Variants in COL19A1 observed in about 807,000 individuals in gnomAD.
COL19A1 encodes the protein collagen alpha-1(XIX) chain.
In COL19A1, 159 loss-of-function variants were observed where a neutral mutation model predicts 190.2. That is an observed-to-expected ratio of 0.84 (90% CI 0.73 to 0.95). The LOEUF (loss-of-function observed/expected upper bound fraction) is 0.95, where lower values mean the gene tolerates loss of function less well. COL19A1 is among the 40% of genes least tolerant of loss of function. The pLI is 0.00. For missense variants in COL19A1, 1,418 were observed against 1,431.9 expected (o/e 0.99, Z 0.16); for synonymous variants, 509 against 458.9 (o/e 1.11, Z -1.39).
chr6:69,888,219 G>A (rs1427273677), intron 2 of COL19A1, among the ~76,000 whole-genome samples: 2 of 150,096 alleles, frequency 1.3e-5, no homozygotes, highest in East Asian at 2.2e-4. Context: ...TAGAAAACAC[G>A]TATCAAAATG....
At chr6:69,910,102 G>A (rs1046061271) in intron 4 of COL19A1, among the ~76,000 whole-genome samples, 3 of 151,938 alleles carry the variant, frequency 2.0e-5, no homozygotes, top group Admixed American at 6.6e-5. Flanking sequence ...CATATTTTAG[G>A]CAACCAATAA....
Position 70,053,107 on chromosome 6 carries a change from C to T in COL19A1, c.1171-15316C>T, listed in dbSNP as rs138106205. Among the ~76,000 whole-genome samples, 405 of 152,246 alleles carry T rather than the reference C, an allele frequency of 2.7e-3. 8 individuals are homozygous for T. Among genetic ancestry groups the T allele is most frequent in the African/African-American group, 9.3e-3 (386 of 41,558 alleles). Reference sequence around the variant, plus strand: ...ATATTGAAATGTTGCACTAGGGCTTCCACATTTTGCTTCTGTGCAAACATG... The same window carrying T: ...ATATTGAAATGTTGCACTAGGGCTTTCACATTTTGCTTCTGTGCAAACATG... On this transcript the variant is annotated intron_variant, in intron 14 of 50. Coordinates refer to ENST00000620364, the MANE Select transcript of COL19A1 (RefSeq NM_001858.6).
Position 70,102,241 on chromosome 6 carries a change from GA to G in COL19A1, c.1278+20del, listed in dbSNP as rs1783683078. 6.4e-7 allele frequency: 1 copy of G among 1,566,958 alleles called. No homozygotes were observed. Among genetic ancestry groups the G allele is most frequent in the Non-Finnish European group, 8.8e-7 (1 of 1,137,236 alleles). The stretch of plus-strand genomic sequence containing the variant: ...ACCACCTGTGAGTAAACAATACAAT[GA>G]CTGTCCCTTTAAAGAGTCTGTCTTT... On this transcript the variant is annotated intron_variant, in intron 16 of 50. Coordinates refer to ENST00000620364, the MANE Select transcript of COL19A1 (RefSeq NM_001858.6).
intron 4 of COL19A1, among the ~76,000 whole-genome samples, chr6:69,919,375 T>G (rs1771545132): frequency 6.6e-6 from 1 of 152,184 alleles, no homozygotes. Context: ...AATTAGGTGT[T>G]TTGGCTTGTT....
Position 70,041,909 on chromosome 6 carries a change from T to TA in COL19A1, c.1170+5980dup, listed in dbSNP as rs796367695. On this transcript the variant is annotated intron_variant, in intron 14 of 50. Transcript: ENST00000620364. ...TCTACTACAAATAAAAAAATAAAAG[T>TA]AAAAAAAAAATAGCCGGATTTGGTG... 1.4e-3 allele frequency among the ~76,000 whole-genome samples: 211 copies of TA among 146,692 alleles called. 3 individuals carry two copies. In the East Asian group the frequency reaches 0.03, roughly 21 times the overall value.
intron 16 of COL19A1, among the ~76,000 whole-genome samples, chr6:70,121,536 G>T (rs1439040941): frequency 1.3e-5 from 2 of 152,196 alleles, no homozygotes; most frequent in African/African-American, 4.8e-5. Context: ...CCTGTGAGAA[G>T]TGCCAAAAAT....
At chr6:69,928,086 G>T in intron 5 of COL19A1, 54 bp downstream of exon 5, 3 of 1,586,900 alleles carry the variant, frequency 1.9e-6, no homozygotes, top group Non-Finnish European at 2.6e-6. Flanking sequence ...ATTAAGCCAG[G>T]TGAATTATTT....
chr6:69,884,735 T>C (rs1420820816), intron 2 of COL19A1, among the ~76,000 whole-genome samples: 1 of 152,206 alleles, frequency 6.6e-6, no homozygotes, highest in Non-Finnish European at 1.5e-5. Flanking sequence ...GTTCTCAGGA[T>C]TCTAATTTTT....
intron 4 of COL19A1, among the ~76,000 whole-genome samples, chr6:69,921,338 A>G (rs1771784370): frequency 8.5e-6 from 1 of 117,758 alleles, no homozygotes; most frequent in African/African-American, 3.3e-5. Context: ...TCATATATCT[A>G]TATATATCAT....
chr6:70,195,349 G>C (rs1295138568), intron 48 of COL19A1, among the ~76,000 whole-genome samples: 2 of 152,002 alleles, frequency 1.3e-5, no homozygotes, highest in African/African-American at 2.4e-5. Context: ...GCGAACAGTG[G>C]GGCTTGCCAA....
At chr6:69,943,654 T>C (rs867109478) in intron 9 of COL19A1, among the ~76,000 whole-genome samples, 2 of 152,162 alleles carry the variant, frequency 1.3e-5, no homozygotes, top group South Asian at 4.1e-4. Flanking sequence ...ACAAAAAGAC[T>C]GTCCTTTCCT....
intron 16 of COL19A1, among the ~76,000 whole-genome samples, chr6:70,106,866 G>A (rs1029751367): frequency 5.3e-5 from 8 of 152,198 alleles, no homozygotes; most frequent in Non-Finnish European, 8.8e-5. Flanking sequence ...ACTGAGAACA[G>A]TTTTTCAGTA....
At chr6:69,979,839 A>G (rs919627676) in intron 11 of COL19A1, among the ~76,000 whole-genome samples, 1 of 151,718 alleles carries the variant, frequency 6.6e-6, no homozygotes, top group African/African-American at 2.4e-5. Flanking sequence ...ATAAGTGGTA[A>G]AAGCAATAAG....
At chr6:70,072,364 A>G (rs1781611323) in intron 15 of COL19A1, among the ~76,000 whole-genome samples, 1 of 152,166 alleles carries the variant, frequency 6.6e-6, no homozygotes, top group South Asian at 2.1e-4. Flanking sequence ...TTTTAAAAGA[A>G]GTTCCTCTAG....
chr6:70,193,777 A>T (rs1021622753), intron 48 of COL19A1, among the ~76,000 whole-genome samples: 1 of 152,212 alleles, frequency 6.6e-6, no homozygotes, highest in Non-Finnish European at 1.5e-5. Flanking sequence ...GTTATTTAGC[A>T]TTTAAGTTAA....
At chr6:70,118,639 A>C (rs1326823205) in intron 16 of COL19A1, among the ~76,000 whole-genome samples, 4 of 152,228 alleles carry the variant, frequency 2.6e-5, no homozygotes, top group Admixed American at 2.0e-4. Flanking sequence ...AGAACCTAAA[A>C]CTTCAGATCA....
intron 11 of COL19A1, among the ~76,000 whole-genome samples, chr6:69,983,265 G>A (rs1327043771): frequency 2.6e-5 from 4 of 151,944 alleles, no homozygotes; most frequent in Non-Finnish European, 4.4e-5. Context: ...GGTATTTGAC[G>A]TTTTTGATGC....
At chr6:70,177,892 A>T (rs1023733316) in intron 42 of COL19A1, among the ~76,000 whole-genome samples, 4 of 152,190 alleles carry the variant, frequency 2.6e-5, no homozygotes, top group Non-Finnish European at 5.9e-5. Flanking sequence ...AATTAAGCTT[A>T]TCTTCTAGGA....
At chr6:69,881,572 G>T (rs189499143) in intron 2 of COL19A1, among the ~76,000 whole-genome samples, 59 of 152,200 alleles carry the variant, frequency 3.9e-4, no homozygotes, top group African/African-American at 1.4e-3. Context: ...CTTTAATCAG[G>T]TTACATGATG....
Sources: gnomAD v4.1 joint callset for allele counts (sites outside exome capture counted in the v4.1 genomes callset) on GRCh38, gnomAD v4.1.1 for gene constraint, MANE v1.5 for transcripts, NCBI Gene and HGNC (gene_info 2026-07-23, HGNC 2026-07-21) for gene names.